The following DAAM2 variants were observed in gnomAD, a reference collection of about 807,000 sequenced individuals.
The protein encoded by DAAM2 is dishevelled associated activator of morphogenesis 2.
In DAAM2, 39 loss-of-function variants were observed where a neutral mutation model predicts 120.7. The ratio of observed to expected loss-of-function variants is 0.32; its 90% CI spans 0.25 to 0.42. The LOEUF (loss-of-function observed/expected upper bound fraction) is 0.42. DAAM2 is among the 10% of genes least tolerant of loss of function. The pLI, the probability that DAAM2 is intolerant of heterozygous loss-of-function variation, is 1.00. For missense variants in DAAM2, 1,283 were observed against 1,401.7 expected (o/e 0.92, Z 1.35); for synonymous variants, 488 against 524.9 (o/e 0.93, Z 0.96).
At chr6:39,795,450 C>G (rs1323169971) in intron 1 of DAAM2, among the ~76,000 whole-genome samples, 1 of 152,142 alleles carries the variant, frequency 6.6e-6, no homozygotes, top group Non-Finnish European at 1.5e-5. Context: ...AATTAGTAAC[C>G]TGGGCTACAT....
At chr6:39,866,988 AAC>A (rs1174636938) in intron 5 of DAAM2, among the ~76,000 whole-genome samples, 2 of 152,258 alleles carry the variant, frequency 1.3e-5, no homozygotes, top group Non-Finnish European at 2.9e-5. Flanking sequence ...TCTTCAGCAG[AAC>A]ACAGACTCCA....
chr6:39,810,657 A>G (rs1268287381), intron 1 of DAAM2, among the ~76,000 whole-genome samples: 2 of 151,982 alleles, frequency 1.3e-5, no homozygotes, highest in Non-Finnish European at 2.9e-5. Flanking sequence ...TTTGCCCCTT[A>G]TGGGGACAAA....
In DAAM2 at chr6:39,876,887, G is replaced by A. The variant is rs534836107; in HGVS notation, c.1302-1316G>A. On this transcript the variant is annotated intron_variant, in intron 11 of 24. Coordinates refer to ENST00000274867, the MANE Select transcript of DAAM2 (RefSeq NM_001201427.2). ...AGGCAGCCTGGGGACAGGAAGGAAAGAGGGAAAAGGTCTTACTTGATAAGA... is the reference window on the plus strand; with the variant it reads ...AGGCAGCCTGGGGACAGGAAGGAAAAAGGGAAAAGGTCTTACTTGATAAGA... Among the ~76,000 whole-genome samples the A allele has an allele frequency of 3.8e-3, 577 of 152,320 alleles. 3 individuals are homozygous for A. The highest frequency in any genetic ancestry group is 0.013 in the African/African-American group (558 of 41,570).
rs1765023090 is a variant in DAAM2 at position 39,879,429 on chromosome 6, C to T, written c.1797C>T (p.Pro599=). ...SDVPLRKKRV[P]QPSHPLKSFN... ...TCCCACTCAGGAAAAAGCGTGTCCC[C>T]CAGCCTTCTCACCCACTGAAGTCCT... The change falls in exon 14 of 25, where the codon CCC becomes CCT. Residue 599 remains proline (P), a synonymous_variant. Transcript: ENST00000274867. The T allele has an allele frequency of 1.2e-6, 2 of 1,614,044 alleles. No individual in the cohort carries two copies. Among genetic ancestry groups the T allele is most frequent in the Non-Finnish European group, 1.7e-6 (2 of 1,179,902 alleles).
At position 39,888,396 on chromosome 6, in the gene DAAM2, T is replaced by C. The variant is rs562559749; in HGVS notation, c.2061-283T>C. On this transcript the variant is annotated intron_variant, in intron 16 of 24. Transcript: ENST00000274867. Reference sequence around the variant, plus strand: ...CTTTGCCCTGTCCCTTTGGTCTACATTGAAGACATCTCTTTTACTCCCAAA... The same window carrying C: ...CTTTGCCCTGTCCCTTTGGTCTACACTGAAGACATCTCTTTTACTCCCAAA... The C allele has an allele frequency of 1.0e-3, 255 of 252,488 alleles. 2 individuals carry two copies. Among genetic ancestry groups the C allele is most frequent in the Middle Eastern group, 5.1e-3 (4 of 784 alleles). The allele number at this position is 252,488 out of a possible 1,614,324, so 15.6% of individuals were successfully genotyped here. A position where few individuals can be genotyped will look rare whatever the true frequency, so the allele number is the denominator to read the frequency against.
intron 19 of DAAM2, among the ~76,000 whole-genome samples, chr6:39,892,212 G>A (rs968886036): frequency 6.6e-6 from 1 of 152,186 alleles, no homozygotes; most frequent in African/African-American, 2.4e-5. Flanking sequence ...TCCAATACAG[G>A]CCATTTCCAG....
intron 1 of DAAM2, among the ~76,000 whole-genome samples, chr6:39,839,408 G>A (rs943130884): frequency 1.4e-4 from 21 of 152,164 alleles, no homozygotes; most frequent in African/African-American, 5.1e-4. Flanking sequence ...CTCAAAATGT[G>A]CACTTAGTTT....
Position 39,868,858 on chromosome 6 carries a change from G to A in DAAM2, c.798G>A (p.Arg266=), listed in dbSNP as rs182645741. ...LLNELDRSLG[R]YRDEVNLKTA... is the part of the protein sequence containing the mutation. ...ACGAGCTAGACCGAAGTCTGGGCCG[G>A]TACCGGGATGAAGTGAATCTGAAAA... The change falls in exon 7 of 25, where the codon CGG becomes CGA. Residue 266 remains arginine (R), a synonymous_variant. Transcript: ENST00000274867. 83 of 1,587,654 alleles carry A rather than the reference G, an allele frequency of 5.2e-5. No homozygotes were observed. In the African/African-American group the frequency reaches 1.0e-3, roughly 20 times the overall value.
At chr6:39,807,402 T>G (rs1199893691) in intron 1 of DAAM2, among the ~76,000 whole-genome samples, 8 of 152,198 alleles carry the variant, frequency 5.3e-5, no homozygotes. Flanking sequence ...AACCATAAAA[T>G]TCAGAGAAGC....
intron 1 of DAAM2, among the ~76,000 whole-genome samples, chr6:39,836,336 C>T (rs932199901): frequency 2.0e-5 from 3 of 152,134 alleles, no homozygotes; most frequent in Non-Finnish European, 2.9e-5. Context: ...GAAGGCATCC[C>T]TAAATAACAG....
chr6:39,805,968 A>C (rs1761999106), intron 1 of DAAM2, among the ~76,000 whole-genome samples: 1 of 152,200 alleles, frequency 6.6e-6, no homozygotes. Flanking sequence ...TTCCCTTAAG[A>C]AACATAAATC....
chr6:39,813,404 G>A (rs1221575091), intron 1 of DAAM2, among the ~76,000 whole-genome samples: 5 of 152,106 alleles, frequency 3.3e-5, no homozygotes, highest in East Asian at 1.9e-4. Flanking sequence ...AAATCTGCTC[G>A]AAAGCATTTA....
At chr6:39,815,549 G>T (rs1762281979) in intron 1 of DAAM2, among the ~76,000 whole-genome samples, 1 of 151,988 alleles carries the variant, frequency 6.6e-6, no homozygotes, top group African/African-American at 2.4e-5. Context: ...CTTACACATA[G>T]TAAGCTCACA....
intron 16 of DAAM2, 77 bp downstream of exon 16, chr6:39,887,669 G>C: frequency 2.1e-6 from 2 of 970,826 alleles, no homozygotes; most frequent in Non-Finnish European, 3.2e-6. Flanking sequence ...TGGCAGTCTC[G>C]GGCCTCTCCC....
intron 1 of DAAM2, chr6:39,820,121 T>C (rs1011707887): frequency 2.4e-5 from 3 of 125,204 alleles, no homozygotes; most frequent in African/African-American, 9.0e-5. Context: ...GTGGAGGGAA[T>C]GGGCATCCTA....
intron 9 of DAAM2, among the ~76,000 whole-genome samples, chr6:39,872,366 G>A (rs770382187): frequency 6.6e-5 from 10 of 152,072 alleles, no homozygotes; most frequent in East Asian, 1.9e-4. Context: ...AGCCTCCCCC[G>A]GGAAGGCATC....
intron 1 of DAAM2, among the ~76,000 whole-genome samples, chr6:39,854,626 G>A (rs916842798): frequency 3.9e-5 from 6 of 152,178 alleles, no homozygotes; most frequent in African/African-American, 1.4e-4. Flanking sequence ...CTAGGACTTA[G>A]GAAATAAAGC....
rs769795464 is a variant in DAAM2 at position 39,875,325 on chromosome 6, C to T, written c.1163-5C>T. 2.2e-5 allele frequency: 35 copies of T among 1,613,040 alleles called. No homozygotes were observed. The highest frequency in any genetic ancestry group is 2.9e-5 in the Non-Finnish European group (34 of 1,179,448). Reference sequence around the variant, plus strand: ...AGGAAAGATATGATACCTGTCATCCCTCAGACAAACGGAACGGTGGCTACT... The same window carrying T: ...AGGAAAGATATGATACCTGTCATCCTTCAGACAAACGGAACGGTGGCTACT... On this transcript the variant is annotated splice_polypyrimidine_tract_variant and splice_region_variant and intron_variant, in intron 10 of 24. Transcript: ENST00000274867.
At chr6:39,858,288 TA>T (rs764015759) in intron 2 of DAAM2, among the ~76,000 whole-genome samples, 3 of 152,220 alleles carry the variant, frequency 2.0e-5, no homozygotes, top group Non-Finnish European at 4.4e-5. Context: ...GGTGCTCTGC[TA>T]AAGAAGGGTT....
Sources: allele counts gnomAD v4.1 joint callset (sites outside exome capture counted in the v4.1 genomes callset), GRCh38; gene constraint gnomAD v4.1.1; transcripts MANE v1.5; gene names NCBI Gene and HGNC (gene_info 2026-07-23, HGNC 2026-07-21).